The following VPS37A variants were observed in gnomAD, a reference collection of about 807,000 sequenced individuals.
VPS37A encodes VPS37A subunit of ESCRT-I.
Under a neutral mutation model 49.8 loss-of-function variants are expected in VPS37A, and 30 were observed. The ratio of observed to expected loss-of-function variants is 0.60; its 90% CI spans 0.45 to 0.82. The LOEUF (loss-of-function observed/expected upper bound fraction) is 0.82. Ranked by LOEUF, VPS37A falls within the 40% of genes least tolerant of loss-of-function variation. VPS37A has a pLI of 0.00. For missense variants in VPS37A, 593 were observed against 464.4 expected (o/e 1.28, Z -2.55); for synonymous variants, 195 against 160.6 (o/e 1.21, Z -1.62).
In VPS37A at chr8:17,295,121, C is replaced by G. The variant is rs1049018353; in HGVS notation, c.*135C>G. 8.5e-5 allele frequency: 13 copies of G among 152,608 alleles called. No individual in the cohort carries two copies. The highest frequency in any genetic ancestry group is 3.1e-4 in the African/African-American group (13 of 41,444). The allele number at this position is 152,608 out of a possible 1,614,324, so 9.5% of individuals were successfully genotyped here. Reference sequence around the variant, plus strand: ...TATCCTATATAGATTGTATACAGAACTGAGACTGATTTTGTACCGATTAGA... The same window carrying G: ...TATCCTATATAGATTGTATACAGAAGTGAGACTGATTTTGTACCGATTAGA... On this transcript the variant is annotated 3_prime_UTR_variant, in exon 12 of 12. Transcript: ENST00000324849.
rs1816580952 is a variant in VPS37A at position 17,295,806 on chromosome 8, A to AAT, written c.*820_*821insAT. 4 of 152,206 alleles carry AAT rather than the reference A, an allele frequency of 2.6e-5. No homozygotes were observed. The highest frequency in any genetic ancestry group is 9.6e-5 in the African/African-American group (4 of 41,458). The allele number at this position is 152,206 out of a possible 1,614,324, so 9.4% of individuals were successfully genotyped here. Reference sequence around the variant, plus strand: ...ACTAAATCTATACACAAAAAAAGTCAGTGAACTTTTCTGACCTTTACTGTG... The same window carrying AAT: ...ACTAAATCTATACACAAAAAAAGTCAATGTGAACTTTTCTGACCTTTACTGTG... On this transcript the variant is annotated 3_prime_UTR_variant, in exon 12 of 12. Coordinates refer to ENST00000324849, the MANE Select transcript of VPS37A (RefSeq NM_152415.3).
the VPS37A span, among the ~76,000 whole-genome samples, chr8:17,332,543 CATG>C: frequency 6.6e-6 from 1 of 152,168 alleles, no homozygotes; most frequent in Non-Finnish European, 1.5e-5. Context: ...GGGGTTATAT[CATG>C]ATGAGCCCAT....
At chr8:17,308,175 C>CA in the VPS37A span, among the ~76,000 whole-genome samples, 905 of 145,458 alleles carry the variant, frequency 6.2e-3, 11 homozygotes, top group African/African-American at 0.018. Flanking sequence ...TACTGCAAAT[C>CA]AAAAAAAAAA....
the VPS37A span, among the ~76,000 whole-genome samples, chr8:17,319,735 C>T: frequency 5.3e-5 from 8 of 152,184 alleles, no homozygotes; most frequent in Admixed American, 1.3e-4. Flanking sequence ...CATCTCCCAG[C>T]TGATGGATAC....
chr8:17,261,569 T>G (rs1023210008), intron 1 of VPS37A, among the ~76,000 whole-genome samples: 19 of 152,322 alleles, frequency 1.2e-4, no homozygotes, highest in African/African-American at 4.3e-4. Context: ...ATTAGTTATT[T>G]ATTCTGGTCT....
downstream of VPS37A, chr8:17,305,789 T>A (rs142124287): frequency 1.9e-6 from 3 of 1,613,498 alleles, no homozygotes; most frequent in Middle Eastern, 1.7e-4. Context: ...GGCTGTTACA[T>A]AGGAAGTTTC....
chr8:17,280,499 C>T, intron 9 of VPS37A, 56 bp downstream of exon 9: 1 of 1,464,448 alleles, frequency 6.8e-7, no homozygotes, highest in Non-Finnish European at 9.3e-7. Context: ...ATCTTATGTG[C>T]ATGAGTCCTG....
At chr8:17,254,230 AC>A (rs1373499446) in intron 1 of VPS37A, among the ~76,000 whole-genome samples, 2 of 152,266 alleles carry the variant, frequency 1.3e-5, no homozygotes, top group African/African-American at 4.8e-5. Context: ...AATAAGAATG[AC>A]GAGTCCTTAG....
the VPS37A span, among the ~76,000 whole-genome samples, chr8:17,308,899 C>G: frequency 0.11 from 17,114 of 152,214 alleles, 1,312 homozygotes; most frequent in Non-Finnish European, 0.17. Flanking sequence ...TATAGAAGAT[C>G]AAAGAGAAAC....
intron 8 of VPS37A, 21 bp downstream of exon 8, chr8:17,280,318 A>T (rs1814922422): frequency 6.2e-7 from 1 of 1,607,494 alleles, no homozygotes; most frequent in East Asian, 2.2e-5. Flanking sequence ...GATAATTTTG[A>T]AGAAATTTAC....
chr8:17,302,505 T>C (rs553505461), downstream of VPS37A: 26 of 459,222 alleles, frequency 5.7e-5, no homozygotes, highest in Non-Finnish European at 9.5e-5. Context: ...AGTCTGCCTG[T>C]ATATATGAAT....
At chr8:17,307,735 A>G in the VPS37A span, among the ~76,000 whole-genome samples, 1 of 152,188 alleles carries the variant, frequency 6.6e-6, no homozygotes, top group Admixed American at 6.5e-5. Context: ...TTTCCTTTGT[A>G]GGGACATGGA....
chr8:17,286,791 C>T (rs1258297450), intron 11 of VPS37A, among the ~76,000 whole-genome samples: 1 of 152,108 alleles, frequency 6.6e-6, no homozygotes, highest in Admixed American at 6.5e-5. Flanking sequence ...AAGTGAACTT[C>T]CAGCCAGTCT....
downstream of VPS37A, chr8:17,305,681 T>C (rs890069618): frequency 7.5e-7 from 1 of 1,334,758 alleles, no homozygotes; most frequent in Non-Finnish European, 1.0e-6. Flanking sequence ...TTCAAAATTA[T>C]GAAAGGCCAC....
chr8:17,315,285 A>G, the VPS37A span, among the ~76,000 whole-genome samples: 1 of 152,202 alleles, frequency 6.6e-6, no homozygotes, highest in Non-Finnish European at 1.5e-5. Flanking sequence ...GACCTCCTAG[A>G]AAAGGCAAAA....
intron 1 of VPS37A, 183 bp from the exon 2 acceptor site, chr8:17,265,724 T>A: frequency 6.7e-7 from 1 of 1,485,664 alleles, no homozygotes; most frequent in South Asian, 1.2e-5. Context: ...TACTGTGTGC[T>A]TAGATGATGA....
downstream of VPS37A, among the ~76,000 whole-genome samples, chr8:17,304,964 A>G (rs1315462524): frequency 6.6e-6 from 1 of 152,138 alleles, no homozygotes; most frequent in African/African-American, 2.4e-5. Context: ...TATAGCTAGT[A>G]AGTGGAAAAG....
At chr8:17,310,803 C>T in the VPS37A span, among the ~76,000 whole-genome samples, 3 of 152,138 alleles carry the variant, frequency 2.0e-5, 1 homozygote, top group South Asian at 4.1e-4. Context: ...TTGTGTAGCA[C>T]GGATTCATGA....
In VPS37A at chr8:17,247,664, A is replaced by C. The variant is rs553011403; in HGVS notation, c.125+295A>C. ...TCAATCTCTCTCATAGTCTATTTCC[A>C]GTATCCCTTGCTGCCCAGGCTTCGC... On this transcript the variant is annotated intron_variant, in intron 1 of 11. Transcript: ENST00000324849. 10 of 703,752 alleles carry C rather than the reference A, an allele frequency of 1.4e-5. No individual in the cohort carries two copies. The African/African-American group carries it at 1.6e-4, about 11-fold the overall frequency. 43.6% of individuals were successfully genotyped at this position (703,752 alleles called of 1,614,324 possible).
Sources: gnomAD v4.1 joint callset for allele counts (sites outside exome capture counted in the v4.1 genomes callset) on GRCh38, gnomAD v4.1.1 for gene constraint, MANE v1.5 for transcripts, NCBI Gene and HGNC (gene_info 2026-07-23, HGNC 2026-07-21) for gene names.